PTCRA: variants seen among roughly 807,000 people sequenced by gnomAD.
PTCRA encodes the protein pre T-cell antigen receptor alpha.
In PTCRA, 9 loss-of-function variants were observed where a neutral mutation model predicts 13.4. That is an observed-to-expected ratio of 0.67 (90% CI 0.41 to 1.18). The LOEUF is 1.18. Among genes scored for constraint, PTCRA ranks in the 50% most tolerant of loss-of-function variants. The pLI, the probability that PTCRA is intolerant of heterozygous loss-of-function variation, is 0.01. For synonymous variants in PTCRA, 153 were observed against 161.9 expected, an observed-to-expected ratio of 0.94 and a Z score of 0.42; for missense variants, 353 against 359.8, an observed-to-expected ratio of 0.98 and a Z score of 0.15.
intron 1 of PTCRA, among the ~76,000 whole-genome samples, chr6:42,917,936 G>GAAAAC (rs1411320793): frequency 1.3e-5 from 2 of 151,938 alleles, no homozygotes. Context: ...CATACATAAT[G>GAAAAC]AAAACAAAAC....
rs752631531 is a variant in PTCRA at position 42,925,276 on chromosome 6, C to T, written c.440C>T (p.Ala147Val). ...CTCCTCGCAGGGACACCGGGTGGGG[C>T]GCTGTGGCTGGGGGTCCTGCGGCTG... ...QEPLRGTPGG[A>V]LWLGVLRLLL... Residue 147 changes from alanine (A) to valine (V), a missense_variant, in exon 4 of 4, where the codon GCG becomes GTG. Transcript: ENST00000304672. The surrounding 1 kb of genome is among the most constrained non-coding windows in gnomAD (Gnocchi z 4.4). The T allele has an allele frequency of 2.3e-5, 36 of 1,589,862 alleles. No homozygotes were observed. Among genetic ancestry groups the T allele is most frequent in the Admixed American group, 1.4e-4 (8 of 58,766 alleles).
Position 42,925,457 on chromosome 6 carries a change from C to T in PTCRA, c.621C>T (p.Ala207=), listed in dbSNP as rs763053393. 1.0e-5 allele frequency: 16 copies of T among 1,555,902 alleles called. No homozygotes were observed. The highest frequency in any genetic ancestry group is 1.2e-5 in the Non-Finnish European group (14 of 1,149,284). The change falls in exon 4 of 4, where the codon GCC becomes GCT. Residue 207 remains alanine (A), a synonymous_variant. Coordinates refer to ENST00000304672, the MANE Select transcript of PTCRA (RefSeq NM_138296.3). The surrounding 1 kb of genome is among the most constrained non-coding windows in gnomAD (Gnocchi z 4.4). ...CCACGGAGACTGGGGGACGAGAGGC[C>T]ACCAGCTCACCCAGACCCCAGCCTC... ...HPATETGGRE[A]TSSPRPQPRD...
intron 1 of PTCRA, among the ~76,000 whole-genome samples, chr6:42,920,464 G>A (rs1296572500): frequency 1.5e-4 from 23 of 150,188 alleles, no homozygotes; most frequent in Admixed American, 1.5e-3. Flanking sequence ...TTGCTCTGTC[G>A]CCCAGGCTGG....
At position 42,923,266 on chromosome 6, in the gene PTCRA, G is replaced by A; in HGVS notation, c.298G>A (p.Ala100Thr). 2 of 1,614,168 alleles carry A rather than the reference G, an allele frequency of 1.2e-6. No homozygotes were observed. Among genetic ancestry groups the A allele is most frequent in the Admixed American group, 1.7e-5 (1 of 60,030 alleles). ...AHLSLPSEEL[A>T]SWEPLVCHTG... ...TCTCTCCCTGCCTTCTGAGGAGCTG[G>A]CATCCTGGGAGCCTTTGGTCTGCCA... The change falls in exon 2 of 4, where the codon GCA (alanine) becomes ACA (threonine). Residue 100 changes from alanine to threonine, a missense_variant. Physicochemically the swap from Ala to Thr is moderately conservative, Grantham distance 58. Transcript: ENST00000304672.
intron 1 of PTCRA, among the ~76,000 whole-genome samples, chr6:42,917,193 T>C (rs1415383590): frequency 9.0e-5 from 5 of 55,730 alleles, no homozygotes. Context: ...CAGCATTATA[T>C]TATTATTATT....
intron 1 of PTCRA, among the ~76,000 whole-genome samples, chr6:42,921,412 CTTTTTTTTTTTT>C (rs59029514): frequency 2.3e-5 from 2 of 85,640 alleles, no homozygotes; most frequent in South Asian, 4.1e-4. Flanking sequence ...AACAAAGCTT[CTTTTTTTTTTTT>C]TTTTTTTTTT....
At chr6:42,920,025 AAAT>A (rs1767070484) in intron 1 of PTCRA, among the ~76,000 whole-genome samples, 1 of 151,390 alleles carries the variant, frequency 6.6e-6, no homozygotes, top group Admixed American at 6.6e-5. Context: ...CTGTCTCAAA[AAAT>A]AATAATAATA....
intron 1 of PTCRA, among the ~76,000 whole-genome samples, chr6:42,920,056 C>A (rs544453473): frequency 6.6e-6 from 1 of 151,906 alleles, no homozygotes; most frequent in East Asian, 2.0e-4. Flanking sequence ...TGAGGTGGCT[C>A]ACGCCTGTAA....
intron 2 of PTCRA, 59 bp downstream of exon 2, chr6:42,923,406 A>G: frequency 6.5e-7 from 1 of 1,527,666 alleles, no homozygotes; most frequent in Non-Finnish European, 9.0e-7. Context: ...ACACCAGGAT[A>G]TGGTTGGAGG....
At chr6:42,921,417 T>C (rs1176070718) in intron 1 of PTCRA, among the ~76,000 whole-genome samples, 9 of 139,140 alleles carry the variant, frequency 6.5e-5, no homozygotes, top group African/African-American at 2.4e-4. Context: ...AGCTTCTTTT[T>C]TTTTTTTTTT....
In PTCRA at chr6:42,925,404, GCC is replaced by G; in HGVS notation, c.570_571del (p.Leu191ArgfsTer31). On this transcript the variant is annotated frameshift_variant, in exon 4 of 4. Coordinates refer to ENST00000304672, the MANE Select transcript of PTCRA (RefSeq NM_138296.3). LOFTEE classifies it low-confidence loss of function (END_TRUNC). The surrounding 1 kb of genome is among the most constrained non-coding windows in gnomAD (Gnocchi z 4.4). The part of the protein sequence containing the change: ...PSPATTTRLR[A>X]LGSHRLHPAT... ...CCCCGCAACCACCACCCGCCTGCGA[GCC>G]CTCGGCTCCCATCGACTGCACCCGG... 1 of 1,554,746 alleles carries G rather than the reference GCC, an allele frequency of 6.4e-7. No individual in the cohort carries two copies.
chr6:42,919,184 C>T (rs1329807886), intron 1 of PTCRA, among the ~76,000 whole-genome samples: 7 of 151,682 alleles, frequency 4.6e-5, no homozygotes, highest in Non-Finnish European at 5.9e-5. Context: ...TTAGTAGAGA[C>T]GGGGTTTCAC....
rs1050986779 is a variant in PTCRA at position 42,923,185 on chromosome 6, G to A, written c.217G>A (p.Ala73Thr). The A allele has an allele frequency of 1.2e-6, 2 of 1,614,256 alleles. No individual in the cohort carries two copies. Among genetic ancestry groups the A allele is most frequent in the Non-Finnish European group, 1.7e-6 (2 of 1,180,044 alleles). Residue 73 changes from alanine (A) to threonine (T), a missense_variant, in exon 2 of 4, where the codon GCC (alanine) becomes ACC (threonine). Ala to Thr is a moderately conservative substitution (Grantham distance 58, BLOSUM62 0). Transcript: ENST00000304672. ...AGCCGGCAATGGCAGTGCACTGGAT[G>A]CCTTCACCTATGGCCCTTCCCCAGC... ...FSAGNGSALD[A>T]FTYGPSPATD...
intron 1 of PTCRA, among the ~76,000 whole-genome samples, chr6:42,919,092 G>A (rs959826470): frequency 6.7e-6 from 1 of 148,912 alleles, no homozygotes; most frequent in Non-Finnish European, 1.5e-5. Context: ...TCGCCAGGCT[G>A]GAGTGCAATT....
At chr6:42,923,852 A>G (rs1767303967) in intron 2 of PTCRA, among the ~76,000 whole-genome samples, 1 of 152,190 alleles carries the variant, frequency 6.6e-6, no homozygotes, top group African/African-American at 2.4e-5. Context: ...GTCAGCTATT[A>G]TTATCACTGA....
In PTCRA at chr6:42,923,316, C is replaced by T. The variant is rs200182239; in HGVS notation, c.348C>T (p.His116=). ...ACACTGGGCCTGGGGCTGAGGGTCACAGCAGGAGTACACAGCCCATGCATC... is the reference window on the plus strand; with the variant it reads ...ACACTGGGCCTGGGGCTGAGGGTCATAGCAGGAGTACACAGCCCATGCATC... ...VCHTGPGAEG[H]SRSTQPMHLS... The change falls in exon 2 of 4, where the codon CAC becomes CAT. Residue 116 remains histidine (H), a synonymous_variant. Coordinates refer to ENST00000304672, the MANE Select transcript of PTCRA (RefSeq NM_138296.3). 1.9e-6 allele frequency: 3 copies of T among 1,614,086 alleles called. No individual in the cohort carries two copies. Among genetic ancestry groups the T allele is most frequent in the Non-Finnish European group, 2.5e-6 (3 of 1,180,032 alleles).
chr6:42,925,153 G>A lies in PTCRA; in HGVS notation c.425-108G>A. 1 of 1,406,692 alleles carries A rather than the reference G, an allele frequency of 7.1e-7. No homozygotes were observed. The highest frequency in any genetic ancestry group is 2.5e-5 in the Admixed American group (1 of 40,774). The allele number at this position is 1,406,692 out of a possible 1,614,324, so 87.1% of individuals were successfully genotyped here. Reference sequence around the variant, plus strand: ...CCGGGAAGGACTTTCCCTGGAGGAGGGGGTGAAGGGGACGGGCAAGGGCAG... The same window carrying A: ...CCGGGAAGGACTTTCCCTGGAGGAGAGGGTGAAGGGGACGGGCAAGGGCAG... On this transcript the variant is annotated intron_variant, in intron 3 of 3. Transcript: ENST00000304672. This position sits in a 1 kb window ranked among gnomAD's most constrained non-coding sequence, Gnocchi z 4.4.
rs1581675867 is a variant in PTCRA at position 42,916,109 on chromosome 6, T to C, written c.40T>C (p.Cys14Arg). Residue 14 changes from cysteine (C) to arginine (R), a missense_variant, in exon 1 of 4, where the codon TGT becomes CGT. Coordinates refer to ENST00000304672, the MANE Select transcript of PTCRA (RefSeq NM_138296.3). Reference sequence around the variant, plus strand: ...GCTGCTACTTCTCCTGGCCCTTGGGTGTCCAGCCCTACCCACAGGTGAGCC... The same window carrying C: ...GCTGCTACTTCTCCTGGCCCTTGGGCGTCCAGCCCTACCCACAGGTGAGCC... ...TWLLLLLALGCPALPTGVGGT... is the reference protein window; with the variant it reads ...TWLLLLLALGRPALPTGVGGT... The C allele has an allele frequency of 6.2e-7, 1 of 1,613,954 alleles. No individual in the cohort carries two copies. The highest frequency in any genetic ancestry group is 8.5e-7 in the Non-Finnish European group (1 of 1,179,898).
chr6:42,916,619 C>T (rs1339780340), intron 1 of PTCRA, among the ~76,000 whole-genome samples: 1 of 152,184 alleles, frequency 6.6e-6, no homozygotes, highest in African/African-American at 2.4e-5. Flanking sequence ...TCACGCTTAT[C>T]AGTGGGCTCA....
Sources: gnomAD v4.1 joint callset for allele counts (sites outside exome capture counted in the v4.1 genomes callset) on GRCh38, gnomAD v4.1.1 for gene constraint, Gnocchi (gnomAD v3.1) non-coding constraint, MANE v1.5 for transcripts, NCBI Gene and HGNC (gene_info 2026-07-23, HGNC 2026-07-21) for gene names.